RANBP2: variants seen among roughly 807,000 people sequenced by gnomAD.
The protein encoded by RANBP2 is RAN binding protein 2, also known as E3 SUMO-protein ligase RanBP2.
Under a neutral mutation model 303.6 loss-of-function variants are expected in RANBP2, and 57 were observed. The ratio of observed to expected loss-of-function variants is 0.19; its 90% CI spans 0.15 to 0.23. The LOEUF is 0.23. RANBP2 is among the 10% of genes least tolerant of loss of function. The pLI is 1.00. For missense variants in RANBP2, 3,138 were observed against 3,780.8 expected, an observed-to-expected ratio of 0.83 and a Z score of 4.46; for synonymous variants, 1,167 against 1,301.5, an observed-to-expected ratio of 0.90 and a Z score of 2.23.
chr2:108,880,389 C>T, the RANBP2 span, among the ~76,000 whole-genome samples: 1 of 152,178 alleles, frequency 6.6e-6, no homozygotes, highest in African/African-American at 2.4e-5. Flanking sequence ...AAAATCCTAA[C>T]AAGTTATTTT....
chr2:109,470,324 G>T, the RANBP2 span, among the ~76,000 whole-genome samples: 1 of 152,276 alleles, frequency 6.6e-6, no homozygotes, highest in Middle Eastern at 3.4e-3. Flanking sequence ...TGCATTTCGG[G>T]TAGACTCCTG....
the RANBP2 span, among the ~76,000 whole-genome samples, chr2:109,358,122 C>T: frequency 2.0e-5 from 3 of 152,336 alleles, no homozygotes; most frequent in South Asian, 2.1e-4. Flanking sequence ...TTTCCCAGAA[C>T]GTCATACGGT....
chr2:109,585,924 A>G, the RANBP2 span: 6 of 893,504 alleles, frequency 6.7e-6, no homozygotes, highest in South Asian at 3.1e-5. Context: ...AAGGACAAAT[A>G]TATCAAATAA....
chr2:109,053,542 G>C, the RANBP2 span, among the ~76,000 whole-genome samples: 1 of 152,226 alleles, frequency 6.6e-6, no homozygotes, highest in African/African-American at 2.4e-5. Flanking sequence ...TTTCAGACCA[G>C]ACTTTCTCTG....
At chr2:109,719,227 G>C in the RANBP2 span, among the ~76,000 whole-genome samples, 2 of 140,876 alleles carry the variant, frequency 1.4e-5, no homozygotes, top group Admixed American at 1.4e-4. Flanking sequence ...CTCCTGAGTA[G>C]CTGGGATTAC....
the RANBP2 span, among the ~76,000 whole-genome samples, chr2:109,697,981 T>C: frequency 4.0e-5 from 6 of 150,742 alleles, no homozygotes; most frequent in African/African-American, 1.2e-4. Flanking sequence ...TGCCTCAGCC[T>C]CCCAAGTAGC....
At chr2:109,395,249 T>C in the RANBP2 span, among the ~76,000 whole-genome samples, 12 of 152,192 alleles carry the variant, frequency 7.9e-5, no homozygotes, top group African/African-American at 2.4e-4. Context: ...CCCATGTGTG[T>C]AGAGATGCAT....
chr2:109,760,188 C>G, the RANBP2 span: 1 of 141,964 alleles, frequency 7.0e-6, no homozygotes, highest in Non-Finnish European at 1.5e-5. Flanking sequence ...TAGGGAAAAA[C>G]CTGGTTTTGT....
the RANBP2 span, among the ~76,000 whole-genome samples, chr2:108,900,406 T>C: frequency 6.6e-6 from 1 of 151,838 alleles, no homozygotes; most frequent in Admixed American, 6.6e-5. Flanking sequence ...ATATACAAAA[T>C]TAGCTGGTGT....
the RANBP2 span, among the ~76,000 whole-genome samples, chr2:109,509,516 G>A: frequency 9.9e-5 from 15 of 152,010 alleles, no homozygotes; most frequent in Admixed American, 7.2e-4. Flanking sequence ...CGTCTTGCCC[G>A]GATTCATCTC....
intron 23 of RANBP2, among the ~76,000 whole-genome samples, chr2:108,773,662 G>GT (rs1553500326): frequency 2.0e-5 from 3 of 149,186 alleles, no homozygotes; most frequent in Middle Eastern, 3.4e-3. Flanking sequence ...TTTTTTTTTG[G>GT]GGGGGGATGG....
chr2:109,162,248 T>A, the RANBP2 span, among the ~76,000 whole-genome samples: 2 of 152,124 alleles, frequency 1.3e-5, no homozygotes, highest in Non-Finnish European at 2.9e-5. Flanking sequence ...TGAAGACAAG[T>A]GGTGGTGGAG....
the RANBP2 span, among the ~76,000 whole-genome samples, chr2:109,012,178 A>G: frequency 6.6e-6 from 1 of 152,238 alleles, no homozygotes; most frequent in Non-Finnish European, 1.5e-5. Flanking sequence ...AGGGTGACAC[A>G]GCAGAGCCAC....
intron 28 of RANBP2, among the ~76,000 whole-genome samples, chr2:108,783,303 C>T (rs1234993945): frequency 7.3e-6 from 1 of 136,618 alleles, no homozygotes; most frequent in African/African-American, 2.9e-5. Flanking sequence ...TGCACTCCAT[C>T]CTGGGCGACA....
At chr2:109,639,000 C>T in the RANBP2 span, among the ~76,000 whole-genome samples, 4 of 152,288 alleles carry the variant, frequency 2.6e-5, no homozygotes, top group Admixed American at 1.3e-4. Flanking sequence ...TGCTAAGAGA[C>T]GTCGCCTGGA....
chr2:109,442,615 A>G, the RANBP2 span, among the ~76,000 whole-genome samples: 10 of 152,202 alleles, frequency 6.6e-5, no homozygotes, highest in Admixed American at 3.3e-4. Flanking sequence ...TTGGTATACT[A>G]CTGTAACATT....
the RANBP2 span, among the ~76,000 whole-genome samples, chr2:108,960,867 A>G: frequency 6.6e-6 from 1 of 152,246 alleles, no homozygotes; most frequent in African/African-American, 2.4e-5. Flanking sequence ...GAACATGGCT[A>G]TATAGTATTC....
chr2:109,602,894 C>T, the RANBP2 span, among the ~76,000 whole-genome samples: 1 of 134,920 alleles, frequency 7.4e-6, no homozygotes, highest in East Asian at 2.2e-4. Context: ...ATAGGCAGAC[C>T]CTGTCTCAAA....
the RANBP2 span, among the ~76,000 whole-genome samples, chr2:109,579,105 AGAT>A: frequency 6.6e-6 from 1 of 152,226 alleles, no homozygotes; most frequent in Non-Finnish European, 1.5e-5. Context: ...ATATCATTAC[AGAT>A]GATGAAGACA....
Sources: allele counts gnomAD v4.1 joint callset (sites outside exome capture counted in the v4.1 genomes callset), GRCh38; gene constraint gnomAD v4.1.1; transcripts MANE v1.5; gene names NCBI Gene and HGNC (gene_info 2026-07-23, HGNC 2026-07-21).